NFE2L1: variants seen among roughly 807,000 people sequenced by gnomAD.
The protein encoded by NFE2L1 is NFE2 like bZIP transcription factor 1.
A neutral mutation model predicts 61.6 loss-of-function variants in NFE2L1; 18 were observed. That is an observed-to-expected ratio of 0.29 (90% CI 0.20 to 0.43). The LOEUF (loss-of-function observed/expected upper bound fraction) is 0.43, where lower values mean the gene tolerates loss of function less well. NFE2L1 is among the 20% of genes least tolerant of loss of function. The probability of loss-of-function intolerance (pLI) is 1.00; values close to 1 mark genes in which losing one functional copy is unlikely to be tolerated. For missense variants in NFE2L1, 827 were observed against 973.5 expected (o/e 0.85, Z 2.00); for synonymous variants, 419 against 402.7 (o/e 1.04, Z -0.48).
intron 1 of NFE2L1, among the ~76,000 whole-genome samples, chr17:48,049,747 A>G (rs1242258391): frequency 6.6e-6 from 1 of 152,218 alleles, no homozygotes; most frequent in Non-Finnish European, 1.5e-5. Flanking sequence ...AAGTTCAGAA[A>G]ACAAAAGGCA....
intron 2 of NFE2L1, among the ~76,000 whole-genome samples, chr17:48,052,055 T>G (rs1430085426): frequency 1.3e-5 from 2 of 152,192 alleles, no homozygotes; most frequent in Non-Finnish European, 1.5e-5. Flanking sequence ...GAAGTTCTCC[T>G]TTGTGGCGAG....
rs1205474756 is a variant in NFE2L1, at chr17:48,048,478, A to G, written c.-513+16A>G. ...GAGCTAAGCAGTGGGTATCGGGCAC[A>G]TTCCTTTCCCAGAAGGGAGGGTTGC... On this transcript the variant is annotated intron_variant, in intron 1 of 5. Transcript: ENST00000362042. 1.3e-5 allele frequency: 2 copies of G among 152,810 alleles called. No homozygotes were observed. The highest frequency in any genetic ancestry group is 3.9e-4 in the East Asian group (2 of 5,120). 9.5% of individuals were successfully genotyped at this position (152,810 alleles called of 1,614,324 possible).
chr17:48,059,509 C>T lies in NFE2L1; in HGVS notation c.2187C>T (p.Asn729=), dbSNP rs538008004. ...TGTTTGGGCGGCTGCGAGATGAGAA[C>T]GGACGACCCTACTCGCCCAGTCAGT... ...QEVFGRLRDE[N]GRPYSPSQYA... Residue 729 remains asparagine, a synonymous_variant, in exon 6 of 6, where the codon AAC becomes AAT. Transcript: ENST00000362042. This position sits in a 1 kb window ranked among gnomAD's most constrained non-coding sequence, Gnocchi z 6.1. 5 of 1,613,906 alleles carry T rather than the reference C, an allele frequency of 3.1e-6. No homozygotes were observed. The highest frequency in any genetic ancestry group is 1.3e-5 in the African/African-American group (1 of 74,926).
chr17:48,054,592 C>A (rs368280294), intron 2 of NFE2L1: 14 of 1,217,814 alleles, frequency 1.1e-5, no homozygotes, highest in Admixed American at 8.9e-5. Context: ...TCAGCAGTGA[C>A]CTGCGGGGTG....
Position 48,050,967 on chromosome 17 carries a change from G to A in NFE2L1, c.-152G>A. On this transcript the variant is annotated 5_prime_UTR_variant, in exon 2 of 6. Coordinates refer to ENST00000362042, the MANE Select transcript of NFE2L1 (RefSeq NM_003204.3). The stretch of plus-strand genomic sequence containing the variant: ...GGTGTGCTTTCCTCTGGGGCCGTCA[G>A]GGAGCTCATCCCTTGTGTTCTGCCA... The A allele has an allele frequency of 1.1e-6, 1 of 877,138 alleles. No individual in the cohort carries two copies. The highest frequency in any genetic ancestry group is 1.6e-5 in the South Asian group (1 of 62,526). The allele number at this position is 877,138 out of a possible 1,614,324, so 54.3% of individuals were successfully genotyped here.
rs2037468896 is a variant in NFE2L1, at chr17:48,058,750, C to T, written c.1428C>T (p.Asp476=). The T allele has an allele frequency of 1.2e-6, 2 of 1,614,220 alleles. No homozygotes were observed. The highest frequency in any genetic ancestry group is 1.7e-6 in the Non-Finnish European group (2 of 1,180,040). ...AGCTGGAGGAGGAATTTGACTCTGA[C>T]TCAGGCCTTTCCTTAGACTCGAGCC... The part of the protein sequence containing the change: ...ASQLEEEFDS[D]SGLSLDSSHS... Residue 476 remains aspartate, a synonymous_variant, in exon 6 of 6, where the codon GAC becomes GAT. Transcript: ENST00000362042.
Position 48,059,119 on chromosome 17 carries a change from C to G in NFE2L1, c.1797C>G (p.Ser599Arg). 6.2e-7 allele frequency: 1 copy of G among 1,614,048 alleles called. No individual in the cohort carries two copies. The highest frequency in any genetic ancestry group is 1.1e-5 in the South Asian group (1 of 91,074). The change falls in exon 6 of 6, where the codon AGC becomes AGG. Residue 599 changes from serine to arginine, a missense_variant. Ser to Arg is a moderately radical substitution (Grantham distance 110). Coordinates refer to ENST00000362042, the MANE Select transcript of NFE2L1 (RefSeq NM_003204.3). This position sits in a 1 kb window ranked among gnomAD's most constrained non-coding sequence, Gnocchi z 6.1. ...CACCCAGTGCCCTCAAGAAAGGCAG[C>G]AAGGAGAAGCAGGCTGACTTCCTGG... ...LPPPSALKKG[S>R]KEKQADFLDK...
chr17:48,052,650 A>G (rs1318165307), intron 2 of NFE2L1, among the ~76,000 whole-genome samples: 1 of 152,184 alleles, frequency 6.6e-6, no homozygotes, highest in East Asian at 1.9e-4. Context: ...GTGACTGTCA[A>G]AGAGTATGGC....
Position 48,059,091 on chromosome 17 carries a change from C to T in NFE2L1, c.1769C>T (p.Pro590Leu), listed in dbSNP as rs1567756775. ...AGTGCCCTGGACTCAGCCGACCTGC[C>T]ACCACCCAGTGCCCTCAAGAAAGGC... ...APSALDSADL[P>L]PPSALKKGSK... Residue 590 changes from proline (P) to leucine (L), a missense_variant, in exon 6 of 6, where the codon CCA (proline) becomes CTA (leucine). By Grantham distance (98) the Pro-to-Leu change is moderately conservative. Around this residue, in one of 3 missense-constraint regions of NFE2L1, gnomAD observed 667 missense variants for 748.4 expected, o/e 0.89. Coordinates refer to ENST00000362042, the MANE Select transcript of NFE2L1 (RefSeq NM_003204.3). The surrounding 1 kb of genome is among the most constrained non-coding windows in gnomAD (Gnocchi z 6.1). The T allele has an allele frequency of 1.2e-6, 2 of 1,614,088 alleles. No homozygotes were observed. Among genetic ancestry groups the T allele is most frequent in the East Asian group, 2.2e-5 (1 of 44,880 alleles).
intron 3 of NFE2L1, 119 bp downstream of exon 3, chr17:48,056,717 G>T: frequency 7.8e-7 from 1 of 1,279,094 alleles, no homozygotes. Flanking sequence ...GGGTGGACCT[G>T]AATTTCTGTT....
chr17:48,056,187 T>C (rs1181660285), intron 2 of NFE2L1, 199 bp from the exon 3 acceptor site: 7 of 647,684 alleles, frequency 1.1e-5, no homozygotes, highest in Non-Finnish European at 1.9e-5. Context: ...TTTTTTTTTG[T>C]GGGAAGGGGA....
At chr17:48,052,492 G>A (rs1002770786) in intron 2 of NFE2L1, among the ~76,000 whole-genome samples, 2 of 152,186 alleles carry the variant, frequency 1.3e-5, no homozygotes, top group African/African-American at 2.4e-5. Flanking sequence ...GAGAAAGCCC[G>A]ATTGGGTTTT....
intron 1 of NFE2L1, chr17:48,049,291 G>C (rs938714417): frequency 6.6e-6 from 1 of 152,248 alleles, no homozygotes; most frequent in African/African-American, 2.4e-5. Context: ...AAGGTCATAT[G>C]AATGAAAATA....
At chr17:48,054,933 G>A in intron 2 of NFE2L1, 1 of 1,433,860 alleles carries the variant, frequency 7.0e-7, no homozygotes, top group Non-Finnish European at 9.1e-7. Flanking sequence ...CTTCCAGCCT[G>A]GTGTGCTCCC....
Position 48,056,176 on chromosome 17 carries a change from C to CT in NFE2L1, c.511-201dup, listed in dbSNP as rs375010732. On this transcript the variant is annotated intron_variant, in intron 2 of 5. Coordinates refer to ENST00000362042, the MANE Select transcript of NFE2L1 (RefSeq NM_003204.3). ...CACACTAATGGTTTTGCTAGTGGCT[C>CT]TTTTTTTTTGTGGGAAGGGGATAGT... 1,351 of 616,514 alleles carry CT rather than the reference C, an allele frequency of 2.2e-3. 3 individuals are homozygous for CT. Among genetic ancestry groups the CT allele is most frequent in the South Asian group, 9.3e-3 (486 of 52,486 alleles). The allele number at this position is 616,514 out of a possible 1,614,324, so 38.2% of individuals were successfully genotyped here.
chr17:48,056,240 A>AC, intron 2 of NFE2L1, 146 bp from the exon 3 acceptor site: 1 of 771,504 alleles, frequency 1.3e-6, no homozygotes, highest in South Asian at 1.6e-5. Flanking sequence ...TGGTGCAGGG[A>AC]CCAGGGGGTA....
Position 48,055,665 on chromosome 17 carries a change from G to T in NFE2L1, c.511-721G>T, listed in dbSNP as rs374657053. On this transcript the variant is annotated intron_variant, in intron 2 of 5. Transcript: ENST00000362042. ...GTGCACCCCTGGGGATCATCTGACT[G>T]CCTGAGCCTCCCTGGAATGGAGGCA... Among the ~76,000 whole-genome samples, 36 of 152,226 alleles carry T rather than the reference G, an allele frequency of 2.4e-4. No individual in the cohort carries two copies. In the South Asian group the frequency reaches 7.5e-3, roughly 32 times the overall value.
rs2037538592 is a variant in NFE2L1 at position 48,061,070 on chromosome 17, C to A, written c.*1429C>A. On this transcript the variant is annotated 3_prime_UTR_variant, in exon 6 of 6. Coordinates refer to ENST00000362042, the MANE Select transcript of NFE2L1 (RefSeq NM_003204.3). ...GGCTGAGAGCACCTCCCCAAACACA[C>A]AAGCTCTCAGCCACAGGCAGCTTCT... The A allele has an allele frequency of 6.6e-6, 1 of 152,626 alleles. No homozygotes were observed. The highest frequency in any genetic ancestry group is 1.5e-5 in the Non-Finnish European group (1 of 68,056). The allele number at this position is 152,626 out of a possible 1,614,324, so 9.5% of individuals were successfully genotyped here. A position where few individuals can be genotyped will look rare whatever the true frequency, so the allele number is the denominator to read the frequency against.
chr17:48,058,306 G>A lies in NFE2L1; in HGVS notation c.984G>A (p.Val328=), dbSNP rs2037453177. Residue 328 remains valine (V), a synonymous_variant, in exon 6 of 6, where the codon GTG becomes GTA. Transcript: ENST00000362042. ...TTCTCCCCTCCCAGGCCATGGAAGT[G>A]AACACATCAGCAAGTGAAATCCTGT... is the stretch of plus-strand genomic sequence containing the variant. ...MSIMEMQAME[V]NTSASEILYS... The A allele has an allele frequency of 6.3e-7, 1 of 1,588,250 alleles. No homozygotes were observed. Among genetic ancestry groups the A allele is most frequent in the Non-Finnish European group, 8.6e-7 (1 of 1,164,240 alleles).
Sources: gnomAD v4.1 joint callset for allele counts (sites outside exome capture counted in the v4.1 genomes callset) on GRCh38, gnomAD v4.1.1 for gene constraint, gnomAD v4.1.1 regional missense constraint, Gnocchi (gnomAD v3.1) non-coding constraint, MANE v1.5 for transcripts, NCBI Gene and HGNC (gene_info 2026-07-23, HGNC 2026-07-21) for gene names.